Variants in EFNA5 observed in about 807,000 individuals in gnomAD.
The protein encoded by EFNA5 is ephrin A5, also known as ephrin-A5.
Under a neutral mutation model 22.9 loss-of-function variants are expected in EFNA5, and 5 were observed. That is an observed-to-expected ratio of 0.22 (90% CI 0.11 to 0.46). The LOEUF (loss-of-function observed/expected upper bound fraction) is 0.46, where lower values mean the gene tolerates loss of function less well. Among genes scored for constraint, EFNA5 ranks in the 20% least tolerant of loss-of-function variants. The pLI is 0.99. For missense variants in EFNA5, 237 were observed against 293.3 expected, an observed-to-expected ratio of 0.81 and a Z score of 1.40; for synonymous variants, 113 against 112.2, an observed-to-expected ratio of 1.01 and a Z score of -0.04.
In EFNA5 at chr5:107,645,679, G is replaced by C. The variant is rs963750697; in HGVS notation, c.125+24810C>G. Among the ~76,000 whole-genome samples, 5 of 152,152 alleles carry C rather than the reference G, an allele frequency of 3.3e-5. No homozygotes were observed. The East Asian group carries it at 9.6e-4, about 29-fold the overall frequency. On this transcript the variant is annotated intron_variant, in intron 1 of 4. Transcript: ENST00000333274. ...GGATATTACATATACTTAAAGTCAT[G>C]AATTCTTTACAGAACAGCCCCCAAA...
At chr5:107,609,039 A>G (rs1749774144) in intron 1 of EFNA5, among the ~76,000 whole-genome samples, 1 of 152,206 alleles carries the variant, frequency 6.6e-6, no homozygotes, top group Non-Finnish European at 1.5e-5. Flanking sequence ...TTCCTGCAAA[A>G]CATGGGCCTT....
chr5:107,642,749 G>A (rs1750554091), intron 1 of EFNA5, among the ~76,000 whole-genome samples: 1 of 152,176 alleles, frequency 6.6e-6, no homozygotes, highest in African/African-American at 2.4e-5. Context: ...AATACGGGGA[G>A]TGGTCATGGT....
intron 1 of EFNA5, among the ~76,000 whole-genome samples, chr5:107,593,343 A>G (rs1367198370): frequency 6.6e-6 from 1 of 152,202 alleles, no homozygotes; most frequent in Non-Finnish European, 1.5e-5. Context: ...TTGCACCAGG[A>G]GAACAAATCT....
At chr5:107,523,710 TC>T (rs1350823511) in intron 1 of EFNA5, among the ~76,000 whole-genome samples, 1 of 152,250 alleles carries the variant, frequency 6.6e-6, no homozygotes, top group Non-Finnish European at 1.5e-5. Flanking sequence ...TTATCTGTCA[TC>T]CCTTCACTTT....
At chr5:107,561,301 C>T (rs1032538732) in intron 1 of EFNA5, among the ~76,000 whole-genome samples, 2 of 152,210 alleles carry the variant, frequency 1.3e-5, no homozygotes, top group African/African-American at 4.8e-5. Context: ...CTCTGCTATG[C>T]TACCTGGTAC....
intron 1 of EFNA5, among the ~76,000 whole-genome samples, chr5:107,544,965 G>A (rs1205856485): frequency 6.6e-6 from 1 of 152,164 alleles, no homozygotes; most frequent in Non-Finnish European, 1.5e-5. Flanking sequence ...AGTTATCACT[G>A]TCTACATCCC....
intron 1 of EFNA5, among the ~76,000 whole-genome samples, chr5:107,490,784 A>T (rs1315631679): frequency 6.6e-6 from 1 of 152,204 alleles, no homozygotes; most frequent in Non-Finnish European, 1.5e-5. Flanking sequence ...CTCTTTACTT[A>T]CTGTGTCACC....
At chr5:107,451,118 C>T (rs912331773) in intron 1 of EFNA5, among the ~76,000 whole-genome samples, 2 of 152,198 alleles carry the variant, frequency 1.3e-5, no homozygotes, top group Non-Finnish European at 2.9e-5. Flanking sequence ...ACATCACTTC[C>T]CTATTCTCTG....
At chr5:107,645,612 A>G (rs1422332090) in intron 1 of EFNA5, among the ~76,000 whole-genome samples, 2 of 152,218 alleles carry the variant, frequency 1.3e-5, no homozygotes, top group African/African-American at 4.8e-5. Context: ...TTCTCACTTC[A>G]GAAAGATTGG....
At chr5:107,382,003 A>G (rs999943614) in intron 4 of EFNA5, among the ~76,000 whole-genome samples, 1 of 152,214 alleles carries the variant, frequency 6.6e-6, no homozygotes, top group Admixed American at 6.5e-5. Context: ...TTATGGTGCT[A>G]TTTCTATTAC....
chr5:107,576,104 T>A (rs183246847), intron 1 of EFNA5, among the ~76,000 whole-genome samples: 2 of 152,314 alleles, frequency 1.3e-5, no homozygotes, highest in African/African-American at 4.8e-5. Context: ...AATGTCTAGT[T>A]CTCCAAATGC....
intron 1 of EFNA5, among the ~76,000 whole-genome samples, chr5:107,619,689 C>T (rs1027629806): frequency 1.3e-5 from 2 of 151,942 alleles, no homozygotes; most frequent in Admixed American, 1.3e-4. Flanking sequence ...GTCTTGAACT[C>T]CTGGCCTTGT....
chr5:107,550,291 T>A (rs2112467912), intron 1 of EFNA5, among the ~76,000 whole-genome samples: 1 of 152,358 alleles, frequency 6.6e-6, no homozygotes, highest in Non-Finnish European at 1.5e-5. Flanking sequence ...AATTTAAAAG[T>A]TCTATTTTAA....
chr5:107,431,402 T>C (rs1253192584), intron 1 of EFNA5, among the ~76,000 whole-genome samples: 1 of 152,250 alleles, frequency 6.6e-6, no homozygotes, highest in African/African-American at 2.4e-5. Context: ...CATTCTTTTC[T>C]GGCCATACTG....
chr5:107,445,464 G>A (rs2112440358), intron 1 of EFNA5, among the ~76,000 whole-genome samples: 1 of 152,298 alleles, frequency 6.6e-6, no homozygotes, highest in Non-Finnish European at 1.5e-5. Context: ...AAGGAAGAGG[G>A]AAAATGTAAA....
rs925025800 is a variant in EFNA5 at position 107,498,561 on chromosome 5, T to A, written c.126-71052A>T. 2.6e-5 allele frequency among the ~76,000 whole-genome samples: 4 copies of A among 152,232 alleles called. No homozygotes were observed. In the East Asian group the frequency reaches 7.7e-4, roughly 29 times the overall value. ...ATGTGATATGCAGATAGTGCCACAA[T>A]GGACAAACAAACATATCACACATCG... On this transcript the variant is annotated intron_variant, in intron 1 of 4. Transcript: ENST00000333274.
At chr5:107,665,866 A>G (rs898062323) in intron 1 of EFNA5, among the ~76,000 whole-genome samples, 1 of 152,158 alleles carries the variant, frequency 6.6e-6, no homozygotes, top group African/African-American at 2.4e-5. Flanking sequence ...TAAACATATA[A>G]GCATAAAAAC....
intron 1 of EFNA5, among the ~76,000 whole-genome samples, chr5:107,503,683 TAA>T (rs1168084831): frequency 1.3e-5 from 2 of 152,214 alleles, no homozygotes; most frequent in Non-Finnish European, 2.9e-5. Context: ...ACTTAAATTA[TAA>T]AGAGATAAGG....
intron 2 of EFNA5, among the ~76,000 whole-genome samples, chr5:107,389,711 C>G (rs1231682456): frequency 6.6e-6 from 1 of 152,142 alleles, no homozygotes; most frequent in Non-Finnish European, 1.5e-5. Context: ...AACTAAACAG[C>G]AAACGATACG....
Sources: allele counts gnomAD v4.1 joint callset (sites outside exome capture counted in the v4.1 genomes callset), GRCh38; gene constraint gnomAD v4.1.1; transcripts MANE v1.5; gene names NCBI Gene and HGNC (gene_info 2026-07-23, HGNC 2026-07-21).